GAD2: variants seen among roughly 807,000 people sequenced by gnomAD.
The protein encoded by GAD2 is 65 kDa glutamic acid decarboxylase.
A neutral mutation model predicts 80.1 loss-of-function variants in GAD2; 22 were observed. That is an observed-to-expected ratio of 0.27 (90% confidence interval 0.20 to 0.39). The LOEUF is 0.39. Ranked by LOEUF, GAD2 falls within the 10% of genes least tolerant of loss-of-function variation. GAD2 has a pLI of 1.00. For synonymous variants in GAD2, 274 were observed against 256.9 expected, an observed-to-expected ratio of 1.07 and a Z score of -0.64; for missense variants, 624 against 738.4, an observed-to-expected ratio of 0.85 and a Z score of 1.80.
chr10:26,273,115 C>T (rs1353985792), intron 10 of GAD2, among the ~76,000 whole-genome samples: 2 of 152,196 alleles, frequency 1.3e-5, no homozygotes, highest in African/African-American at 4.8e-5. Flanking sequence ...AACTGCTCAG[C>T]TAATTAACTG....
chr10:26,239,975 G>A (rs966295235), intron 7 of GAD2, among the ~76,000 whole-genome samples: 1 of 152,178 alleles, frequency 6.6e-6, no homozygotes, highest in Non-Finnish European at 1.5e-5. Flanking sequence ...GCCCAGCAGA[G>A]GCTTGTCCCT....
chr10:26,280,933 A>C, intron 11 of GAD2, 76 bp from the exon 12 acceptor site: 1 of 873,766 alleles, frequency 1.1e-6, no homozygotes, highest in South Asian at 1.4e-5. Context: ...AATACCAAGA[A>C]ACTGAAGCTC....
intron 15 of GAD2, among the ~76,000 whole-genome samples, chr10:26,299,361 T>G (rs554226886): frequency 1.3e-5 from 2 of 152,360 alleles, no homozygotes; most frequent in South Asian, 4.1e-4. Context: ...GTCTCCATTT[T>G]GAACCGGGTT....
intron 15 of GAD2, among the ~76,000 whole-genome samples, chr10:26,295,087 T>C (rs1468053960): frequency 6.6e-6 from 1 of 152,174 alleles, no homozygotes; most frequent in African/African-American, 2.4e-5. Context: ...AAAAACTTTT[T>C]TTTTTCATCA....
chr10:26,242,694 T>A (rs1187475425), intron 7 of GAD2, among the ~76,000 whole-genome samples: 2 of 152,224 alleles, frequency 1.3e-5, no homozygotes, highest in Non-Finnish European at 2.9e-5. Flanking sequence ...GTCTTTAAGC[T>A]TTCTATCTGG....
chr10:26,236,003 G>A (rs977127121), intron 7 of GAD2, among the ~76,000 whole-genome samples: 6 of 152,198 alleles, frequency 3.9e-5, no homozygotes, highest in African/African-American at 1.4e-4. Context: ...CACATGCCAA[G>A]CCTGGCCCAC....
Position 26,216,950 on chromosome 10 carries a change from C to A in GAD2, c.76+65C>A, listed in dbSNP as rs918540997. The A allele has an allele frequency of 4.3e-6, 6 of 1,392,564 alleles. No individual in the cohort carries two copies. The highest frequency in any genetic ancestry group is 6.0e-6 in the Non-Finnish European group (6 of 997,984). 86.3% of individuals were successfully genotyped at this position (1,392,564 alleles called of 1,614,324 possible). On this transcript the variant is annotated intron_variant, in intron 1 of 15. Transcript: ENST00000376261. This position sits in a 1 kb window ranked among gnomAD's most constrained non-coding sequence, Gnocchi z 4.7. ...CGGTGGTCTGGGGTTTGCGGAACTACGGAGAAGACGAAGGAGGTTTTTCCA... is the reference window on the plus strand; with the variant it reads ...CGGTGGTCTGGGGTTTGCGGAACTAAGGAGAAGACGAAGGAGGTTTTTCCA...
chr10:26,218,334 C>T, intron 3 of GAD2: 1 of 255,038 alleles, frequency 3.9e-6, no homozygotes, highest in Non-Finnish European at 7.4e-6. Context: ...GGGTGGGACT[C>T]AGTTTCCAAA....
intron 5 of GAD2, among the ~76,000 whole-genome samples, chr10:26,224,271 T>C (rs1844492269): frequency 6.6e-6 from 1 of 152,238 alleles, no homozygotes; most frequent in Non-Finnish European, 1.5e-5. Flanking sequence ...TTTTAAATCA[T>C]GTTACTCTGC....
chr10:26,300,814 G>C lies in GAD2; in HGVS notation c.1611G>C (p.Met537Ile). 6.2e-7 allele frequency: 1 copy of C among 1,613,828 alleles called. No homozygotes were observed. Among genetic ancestry groups the C allele is most frequent in the Non-Finnish European group, 8.5e-7 (1 of 1,179,752 alleles). ...SKVAPVIKARMMEYGTTMVSY... is the reference protein window; with the variant it reads ...SKVAPVIKARIMEYGTTMVSY... ...TGGCTCCAGTGATTAAAGCCAGAAT[G>C]ATGGAGTATGGAACCACAATGGTCA... Residue 537 changes from methionine to isoleucine, a missense_variant, in exon 16 of 16, where the codon ATG becomes ATC. By Grantham distance (10) the Met-to-Ile change is conservative. Coordinates refer to ENST00000376261, the MANE Select transcript of GAD2 (RefSeq NM_001134366.2).
chr10:26,292,404 G>C, intron 13 of GAD2, 61 bp from the exon 14 acceptor site: 1 of 1,242,570 alleles, frequency 8.0e-7, no homozygotes, highest in Middle Eastern at 1.9e-4. Context: ...TCAGTCTCCA[G>C]GGAAATCGCT....
intron 6 of GAD2, 140 bp downstream of exon 6, chr10:26,224,791 A>G: frequency 3.2e-6 from 2 of 629,214 alleles, no homozygotes; most frequent in Admixed American, 6.0e-5. Flanking sequence ...AATGACTGTG[A>G]TTAAGTGCAC....
intron 8 of GAD2, among the ~76,000 whole-genome samples, chr10:26,263,823 A>T (rs1845036898): frequency 6.6e-6 from 1 of 152,218 alleles, no homozygotes; most frequent in South Asian, 2.1e-4. Flanking sequence ...GCCAATGCTG[A>T]TAGCAGTAAT....
chr10:26,291,712 T>C (rs972973927), intron 13 of GAD2, among the ~76,000 whole-genome samples: 9 of 152,164 alleles, frequency 5.9e-5, no homozygotes, highest in African/African-American at 2.2e-4. Flanking sequence ...CCCAAGGAGA[T>C]AAGAGGAAAG....
At chr10:26,280,134 G>C (rs1411297781) in intron 11 of GAD2, among the ~76,000 whole-genome samples, 1 of 152,196 alleles carries the variant, frequency 6.6e-6, no homozygotes, top group African/African-American at 2.4e-5. Context: ...GATCACCGTG[G>C]AGGCAGGGTG....
At chr10:26,289,483 T>C (rs1388920237) in intron 13 of GAD2, among the ~76,000 whole-genome samples, 1 of 152,164 alleles carries the variant, frequency 6.6e-6, no homozygotes, top group Non-Finnish European at 1.5e-5. Flanking sequence ...AATGCACTGA[T>C]GACAGCCATC....
intron 9 of GAD2, 30 bp downstream of exon 9, chr10:26,269,203 C>T (rs1845105342): frequency 6.4e-7 from 1 of 1,556,742 alleles, no homozygotes; most frequent in Non-Finnish European, 8.7e-7. Flanking sequence ...TTTATCCAGC[C>T]CATATTTCTA....
chr10:26,221,285 A>G (rs183031121), intron 4 of GAD2, among the ~76,000 whole-genome samples: 79 of 152,330 alleles, frequency 5.2e-4, no homozygotes, highest in African/African-American at 1.9e-3. Flanking sequence ...GTTTCTACTG[A>G]GAGACCTTAA....
intron 8 of GAD2, among the ~76,000 whole-genome samples, chr10:26,249,426 AG>A (rs1450430039): frequency 6.6e-6 from 1 of 152,256 alleles, no homozygotes; most frequent in Non-Finnish European, 1.5e-5. Flanking sequence ...AAAAATGTGA[AG>A]AATAAATGTT....
Sources: gnomAD v4.1 joint callset for allele counts (sites outside exome capture counted in the v4.1 genomes callset) on GRCh38, gnomAD v4.1.1 for gene constraint, Gnocchi (gnomAD v3.1) non-coding constraint, MANE v1.5 for transcripts, NCBI Gene and HGNC (gene_info 2026-07-23, HGNC 2026-07-21) for gene names.